Variants in ADGRL3 observed in about 807,000 individuals in gnomAD.
The protein encoded by ADGRL3 is adhesion G protein-coupled receptor L3, also known as calcium-independent alpha-latrotoxin receptor 3.
Under a neutral mutation model 153.5 loss-of-function variants are expected in ADGRL3, and 62 were observed. That is an observed-to-expected ratio of 0.40 (90% CI 0.33 to 0.50). The LOEUF (loss-of-function observed/expected upper bound fraction) is 0.50, where lower values mean the gene tolerates loss of function less well. Ranked by LOEUF, ADGRL3 falls within the 20% of genes least tolerant of loss-of-function variation. The probability of loss-of-function intolerance (pLI) is 0.47; values close to 1 mark genes in which losing one functional copy is unlikely to be tolerated. For synonymous variants in ADGRL3, 710 were observed against 672.5 expected, an observed-to-expected ratio of 1.06 and a Z score of -0.86; for missense variants, 1,641 against 1,859.4, an observed-to-expected ratio of 0.88 and a Z score of 2.16.
At chr4:61,332,879 A>G (rs181506267) in intron 1 of ADGRL3, among the ~76,000 whole-genome samples, 130 of 152,252 alleles carry the variant, frequency 8.5e-4, no homozygotes, top group African/African-American at 2.9e-3. Flanking sequence ...GAAGGCTCTG[A>G]CGATTGGGTT....
At chr4:61,972,714 TG>T (rs1402435903) in intron 17 of ADGRL3, among the ~76,000 whole-genome samples, 1 of 152,148 alleles carries the variant, frequency 6.6e-6, no homozygotes, top group African/African-American at 2.4e-5. Context: ...GGTAGCTTGA[TG>T]GGGATGGCAT....
intron 4 of ADGRL3, among the ~76,000 whole-genome samples, chr4:61,568,512 A>G (rs528943833): frequency 1.3e-5 from 2 of 152,290 alleles, no homozygotes; most frequent in Admixed American, 6.5e-5. Flanking sequence ...GGCATTGTGA[A>G]GTAATTGCTT....
intron 4 of ADGRL3, among the ~76,000 whole-genome samples, chr4:61,535,647 T>C (rs2098651196): frequency 6.6e-6 from 1 of 152,000 alleles, no homozygotes; most frequent in African/African-American, 2.4e-5. Context: ...ATTGTATTTT[T>C]TTTCCTTGTT....
At chr4:61,909,801 GTCTT>G in intron 12 of ADGRL3, 56 bp downstream of exon 12, 9 of 1,118,120 alleles carry the variant, frequency 8.0e-6, no homozygotes, top group Middle Eastern at 2.9e-4. Context: ...GTGTGTGTGT[GTCTT>G]TAAAGTTGTA....
At chr4:61,938,610 T>C (rs1002934014) in intron 15 of ADGRL3, among the ~76,000 whole-genome samples, 5 of 152,138 alleles carry the variant, frequency 3.3e-5, no homozygotes, top group Admixed American at 3.3e-4. Flanking sequence ...GCAAGTGAAC[T>C]CTGTTGCAGT....
intron 9 of ADGRL3, among the ~76,000 whole-genome samples, chr4:61,819,415 A>G (rs2097725708): frequency 6.6e-6 from 1 of 152,082 alleles, no homozygotes; most frequent in African/African-American, 2.4e-5. Context: ...TTTCATACGT[A>G]TTGAAAATAT....
At chr4:62,019,791 A>G (rs1290896148) in intron 21 of ADGRL3, among the ~76,000 whole-genome samples, 4 of 152,132 alleles carry the variant, frequency 2.6e-5, no homozygotes, top group African/African-American at 4.8e-5. Flanking sequence ...TTCCATATAA[A>G]TGATAAATTC....
At chr4:61,471,453 A>G (rs2097952857) in intron 2 of ADGRL3, among the ~76,000 whole-genome samples, 1 of 151,790 alleles carries the variant, frequency 6.6e-6, no homozygotes. Context: ...TTAAATACCA[A>G]TTTGTTTGTT....
intron 1 of ADGRL3, among the ~76,000 whole-genome samples, chr4:61,364,127 C>A (rs918564572): frequency 6.6e-6 from 1 of 151,484 alleles, no homozygotes; most frequent in Non-Finnish European, 1.5e-5. Flanking sequence ...GTCAAGAGAT[C>A]GAGATCATCC....
At chr4:61,369,416 T>G (rs2096475601) in intron 1 of ADGRL3, among the ~76,000 whole-genome samples, 1 of 152,158 alleles carries the variant, frequency 6.6e-6, no homozygotes, top group African/African-American at 2.4e-5. Flanking sequence ...CAATACCTAA[T>G]TTATTGAGAG....
At chr4:61,997,180 A>C (rs1272944288) in intron 20 of ADGRL3, among the ~76,000 whole-genome samples, 1 of 151,976 alleles carries the variant, frequency 6.6e-6, no homozygotes, top group Non-Finnish European at 1.5e-5. Flanking sequence ...CCAAAATCAA[A>C]CACATCAACA....
chr4:61,671,469 C>A (rs1267159463), intron 5 of ADGRL3, among the ~76,000 whole-genome samples: 1 of 152,108 alleles, frequency 6.6e-6, no homozygotes, highest in Admixed American at 6.6e-5. Flanking sequence ...ATTTATTAAA[C>A]CTGATCAATA....
chr4:61,405,198 G>A, intron 2 of ADGRL3, among the ~76,000 whole-genome samples: 1 of 151,924 alleles, frequency 6.6e-6, no homozygotes, highest in East Asian at 1.9e-4. Flanking sequence ...AGAAATAATG[G>A]CAGATTAAAA....
chr4:61,711,458 T>TTATATATATA (rs1167827672), intron 6 of ADGRL3, among the ~76,000 whole-genome samples: 891 of 34,604 alleles, frequency 0.026, 46 homozygotes, highest in Non-Finnish European at 0.034. Context: ...ATATGCTTCA[T>TTATATATATA]TATATATATA....
chr4:61,602,565 C>A (rs1040252517), intron 5 of ADGRL3, among the ~76,000 whole-genome samples: 1 of 152,044 alleles, frequency 6.6e-6, no homozygotes, highest in East Asian at 1.9e-4. Flanking sequence ...TATTGAGAAA[C>A]CCTGCCTTAA....
intron 21 of ADGRL3, among the ~76,000 whole-genome samples, chr4:62,028,604 A>G (rs1479917470): frequency 6.6e-6 from 1 of 151,864 alleles, no homozygotes; most frequent in Non-Finnish European, 1.5e-5. Context: ...TAATATGAGC[A>G]CATGATAAAA....
chr4:61,916,646 C>G (rs2149908773), intron 13 of ADGRL3, among the ~76,000 whole-genome samples: 1 of 151,986 alleles, frequency 6.6e-6, no homozygotes, highest in South Asian at 2.1e-4. Flanking sequence ...GCTTCAACAC[C>G]ATGACTAAGA....
chr4:61,935,060 C>CTT, intron 14 of ADGRL3, 37 bp downstream of exon 14: 1 of 1,570,462 alleles, frequency 6.4e-7, no homozygotes, highest in Non-Finnish European at 8.7e-7. Context: ...TCCAGACACT[C>CTT]TTGTATATCA....
intron 4 of ADGRL3, among the ~76,000 whole-genome samples, chr4:61,531,669 T>C (rs1239364360): frequency 2.0e-5 from 3 of 152,088 alleles, no homozygotes; most frequent in African/African-American, 7.2e-5. Context: ...ATAGATAAAA[T>C]ATAAGAAGCA....
Sources: gnomAD v4.1 joint callset for allele counts (sites outside exome capture counted in the v4.1 genomes callset) on GRCh38, gnomAD v4.1.1 for gene constraint, MANE v1.5 for transcripts, NCBI Gene and HGNC (gene_info 2026-07-23, HGNC 2026-07-21) for gene names.